Variants in CACNB2 observed in about 807,000 individuals in gnomAD.
The protein encoded by CACNB2 is voltage-dependent L-type calcium channel subunit beta-2.
A neutral mutation model predicts 73.3 loss-of-function variants in CACNB2; 42 were observed. The observed-to-expected ratio is 0.57, with a 90% CI of 0.45 to 0.74. CACNB2 has a LOEUF of 0.74. CACNB2 is among the 30% of genes least tolerant of loss of function. The probability of loss-of-function intolerance (pLI) is 0.00; values close to 1 mark genes in which losing one functional copy is unlikely to be tolerated. For synonymous variants in CACNB2, 348 were observed against 310.3 expected (o/e 1.12, Z -1.28); for missense variants, 940 against 853.0 (o/e 1.10, Z -1.27).
At position 18,228,786 on chromosome 10, in the gene CACNB2, T is replaced by C. The variant is rs113341481; in HGVS notation, c.213+77811T>C. On this transcript the variant is annotated intron_variant, in intron 2 of 13. Transcript: ENST00000324631. ...CAGAGTTTCACTCTTGTCACCCAGG[T>C]TGGAGTGCAATGGTGCGATCCCAGC... 1.4e-3 allele frequency among the ~76,000 whole-genome samples: 210 copies of C among 152,272 alleles called. 1 individual carries two copies. Among genetic ancestry groups the C allele is most frequent in the African/African-American group, 4.9e-3 (202 of 41,558 alleles).
intron 9 of CACNB2, among the ~76,000 whole-genome samples, chr10:18,523,652 A>T (rs990360933): frequency 1.6e-4 from 24 of 152,308 alleles, no homozygotes; most frequent in South Asian, 4.1e-4. Flanking sequence ...GTACAAATTT[A>T]ACATTTTTAC....
intron 2 of CACNB2, among the ~76,000 whole-genome samples, chr10:18,335,386 C>A (rs2040960522): frequency 6.6e-6 from 1 of 152,138 alleles, no homozygotes; most frequent in Non-Finnish European, 1.5e-5. Context: ...ACCAGCCTGG[C>A]CTACATGTTG....
At chr10:18,143,204 G>A (rs2030609649) in intron 1 of CACNB2, among the ~76,000 whole-genome samples, 1 of 152,172 alleles carries the variant, frequency 6.6e-6, no homozygotes, top group Admixed American at 6.5e-5. Flanking sequence ...GTTCAAAAGA[G>A]GACCCACATA....
intron 3 of CACNB2, among the ~76,000 whole-genome samples, chr10:18,444,931 A>T (rs1376378509): frequency 6.6e-6 from 1 of 152,220 alleles, no homozygotes; most frequent in Non-Finnish European, 1.5e-5. Context: ...AGTTGTACTA[A>T]GTTTCTATGG....
At chr10:18,242,673 A>AGG (rs2131512117) in intron 2 of CACNB2, among the ~76,000 whole-genome samples, 1 of 152,278 alleles carries the variant, frequency 6.6e-6, no homozygotes, top group East Asian at 1.9e-4. Flanking sequence ...TTAAAAGTAG[A>AGG]GAAATTTTAA....
intron 2 of CACNB2, among the ~76,000 whole-genome samples, chr10:18,389,701 A>T (rs2043380766): frequency 6.6e-6 from 1 of 152,224 alleles, no homozygotes; most frequent in African/African-American, 2.4e-5. Flanking sequence ...TACACATAGA[A>T]AGTAAATTGT....
intron 2 of CACNB2, among the ~76,000 whole-genome samples, chr10:18,250,101 C>T (rs918431221): frequency 1.3e-5 from 2 of 152,162 alleles, no homozygotes; most frequent in Non-Finnish European, 2.9e-5. Flanking sequence ...TCAAGGTGTC[C>T]TCGCACGAAC....
chr10:18,172,924 C>CTTTTTTTTTTTTTTTTTTTTTT (rs58345605), intron 2 of CACNB2, among the ~76,000 whole-genome samples: 10 of 117,474 alleles, frequency 8.5e-5, no homozygotes, highest in African/African-American at 2.7e-4. Context: ...ATAATAAGGC[C>CTTTTTTTTTTTTTTTTTTTTTT]TTTTTTTTTT....
At chr10:18,417,984 A>G (rs1175668410) in intron 3 of CACNB2, among the ~76,000 whole-genome samples, 1 of 152,234 alleles carries the variant, frequency 6.6e-6, no homozygotes, top group Admixed American at 6.5e-5. Flanking sequence ...TAGATGTAAC[A>G]ATTGACTAGA....
At chr10:18,383,535 C>G (rs1324269579) in intron 2 of CACNB2, among the ~76,000 whole-genome samples, 1 of 152,088 alleles carries the variant, frequency 6.6e-6, no homozygotes, top group Non-Finnish European at 1.5e-5. Flanking sequence ...AAGCCCTGTG[C>G]TAGGTCTTGG....
chr10:18,153,995 T>C (rs755628533), intron 2 of CACNB2, among the ~76,000 whole-genome samples: 15 of 151,734 alleles, frequency 9.9e-5, no homozygotes, highest in Admixed American at 2.0e-4. Context: ...TACTTGTCTG[T>C]AGCTAGGGAA....
intron 6 of CACNB2, among the ~76,000 whole-genome samples, chr10:18,512,870 G>A (rs1273305553): frequency 1.3e-5 from 2 of 152,260 alleles, no homozygotes; most frequent in African/African-American, 2.4e-5. Context: ...GCAAAACTTC[G>A]TAGCCCAATT....
intron 2 of CACNB2, among the ~76,000 whole-genome samples, chr10:18,316,262 C>T (rs932216651): frequency 5.9e-5 from 9 of 152,076 alleles, no homozygotes; most frequent in African/African-American, 1.7e-4. Context: ...TCTACTTATT[C>T]AATTCCCTAG....
chr10:18,180,871 C>T (rs1413453676), intron 2 of CACNB2, among the ~76,000 whole-genome samples: 3 of 151,870 alleles, frequency 2.0e-5, no homozygotes, highest in Non-Finnish European at 4.4e-5. Context: ...GAGGCTGAGA[C>T]AGGAACATCG....
intron 2 of CACNB2, among the ~76,000 whole-genome samples, chr10:18,384,726 T>A (rs545765302): frequency 4.7e-5 from 7 of 149,382 alleles, no homozygotes; most frequent in Admixed American, 3.4e-4. Context: ...TGAGACCCTG[T>A]CTCAAAACAA....
intron 3 of CACNB2, among the ~76,000 whole-genome samples, chr10:18,418,200 G>A (rs947645850): frequency 3.3e-5 from 5 of 152,080 alleles, no homozygotes; most frequent in Admixed American, 3.3e-4. Context: ...TCATCCTCCC[G>A]AGGAGTTGGG....
chr10:18,255,146 A>G (rs1437880885), intron 2 of CACNB2, among the ~76,000 whole-genome samples: 1 of 152,162 alleles, frequency 6.6e-6, no homozygotes, highest in Non-Finnish European at 1.5e-5. Flanking sequence ...GTGGGAAAGA[A>G]ATCCCACTGC....
intron 3 of CACNB2, among the ~76,000 whole-genome samples, chr10:18,457,743 A>T (rs914298211): frequency 6.6e-6 from 1 of 152,040 alleles, no homozygotes; most frequent in Non-Finnish European, 1.5e-5. Context: ...ATACAAAATT[A>T]GTTGGGCATG....
At chr10:18,414,405 T>G (rs577682886) in intron 3 of CACNB2, among the ~76,000 whole-genome samples, 1 of 152,162 alleles carries the variant, frequency 6.6e-6, no homozygotes, top group Non-Finnish European at 1.5e-5. Flanking sequence ...CCTGTTAAGC[T>G]AGTTTTAACT....
Sources: allele counts gnomAD v4.1 joint callset (sites outside exome capture counted in the v4.1 genomes callset), GRCh38; gene constraint gnomAD v4.1.1; transcripts MANE v1.5; gene names NCBI Gene and HGNC (gene_info 2026-07-23, HGNC 2026-07-21).